Variants in ALPK1 observed in about 807,000 individuals in gnomAD.
The protein encoded by ALPK1 is alpha kinase 1, also known as alpha-protein kinase 1.
A neutral mutation model predicts 120.6 loss-of-function variants in ALPK1; 110 were observed. That is an observed-to-expected ratio of 0.91 (90% confidence interval 0.78 to 1.07). The LOEUF is 1.07. Among genes scored for constraint, ALPK1 ranks in the 50% least tolerant of loss-of-function variants. The probability of loss-of-function intolerance (pLI) is 0.00; values close to 1 mark genes in which losing one functional copy is unlikely to be tolerated. For synonymous variants in ALPK1, 582 were observed against 560.3 expected, an observed-to-expected ratio of 1.04 and a Z score of -0.55; for missense variants, 1,498 against 1,483.9, an observed-to-expected ratio of 1.01 and a Z score of -0.16.
intron 1 of ALPK1, among the ~76,000 whole-genome samples, chr4:112,309,240 C>T (rs1444692955): frequency 6.6e-6 from 1 of 152,128 alleles, no homozygotes; most frequent in African/African-American, 2.4e-5. Context: ...AGATCTCAAA[C>T]TCCGTGCTGG....
At chr4:112,320,089 A>G (rs1728802206) in intron 2 of ALPK1, among the ~76,000 whole-genome samples, 1 of 152,136 alleles carries the variant, frequency 6.6e-6, no homozygotes, top group South Asian at 2.1e-4. Flanking sequence ...TGTTGAATAG[A>G]AGTTGTGAAA....
chr4:112,420,757 T>G (rs1461044464), intron 5 of ALPK1, among the ~76,000 whole-genome samples: 1 of 152,220 alleles, frequency 6.6e-6, no homozygotes, highest in Non-Finnish European at 1.5e-5. Context: ...TGAGAATGGT[T>G]CGCCTCAGCT....
At chr4:112,368,729 C>T (rs75864687) in intron 2 of ALPK1, among the ~76,000 whole-genome samples, 2,376 of 152,240 alleles carry the variant, frequency 0.016, 46 homozygotes, top group African/African-American at 0.052. Context: ...TTTTGTTCCC[C>T]TCCATCAAGC....
intron 2 of ALPK1, among the ~76,000 whole-genome samples, chr4:112,317,769 T>C (rs1323702142): frequency 6.6e-6 from 1 of 152,228 alleles, no homozygotes; most frequent in African/African-American, 2.4e-5. Context: ...TGGTTTTCGA[T>C]GATTTTTTGC....
chr4:112,431,817 T>G lies in ALPK1; in HGVS notation c.2270T>G (p.Val757Gly). The G allele has an allele frequency of 6.2e-7, 1 of 1,614,086 alleles. No individual in the cohort carries two copies. Among genetic ancestry groups the G allele is most frequent in the East Asian group, 2.2e-5 (1 of 44,878 alleles). Residue 757 changes from valine to glycine, a missense_variant, in exon 11 of 16, where the codon GTC becomes GGC. Physicochemically the swap from Val to Gly is moderately radical, Grantham distance 109 (BLOSUM62 -3). Transcript: ENST00000650871. Reference sequence around the variant, plus strand: ...GAGTTTCCAGAAACCAACTGCGATGTCAAAGACAGGCAGGGGAAAGAGCAG... The same window carrying G: ...GAGTTTCCAGAAACCAACTGCGATGGCAAAGACAGGCAGGGGAAAGAGCAG... The part of the protein sequence containing the change: ...IVEFPETNCD[V>G]KDRQGKEQGE...
At position 112,407,836 on chromosome 4, in the gene ALPK1, C is replaced by T. The variant is rs181376373; in HGVS notation, c.277-3991C>T. ...TAAGAATGGAGAGCAGTGCTGGGCA[C>T]GGTGGCTCACGCCTGTAATCCAGCA... On this transcript the variant is annotated intron_variant, in intron 4 of 15. Transcript: ENST00000650871. 3.2e-4 allele frequency among the ~76,000 whole-genome samples: 48 copies of T among 152,242 alleles called. No individual in the cohort carries two copies. In the East Asian group the frequency reaches 9.1e-3, roughly 29 times the overall value.
At chr4:112,364,359 A>G (rs1465556753) in intron 2 of ALPK1, among the ~76,000 whole-genome samples, 3 of 152,034 alleles carry the variant, frequency 2.0e-5, no homozygotes, top group African/African-American at 4.8e-5. Flanking sequence ...AATAAGCTCA[A>G]TTAGAAAAGA....
At chr4:112,379,138 C>T (rs1219870874) in intron 3 of ALPK1, among the ~76,000 whole-genome samples, 2 of 152,246 alleles carry the variant, frequency 1.3e-5, no homozygotes, top group Admixed American at 1.3e-4. Context: ...CTACACCACA[C>T]CCTTTGTCTC....
intron 2 of ALPK1, among the ~76,000 whole-genome samples, chr4:112,366,215 T>A (rs1201611184): frequency 6.6e-6 from 1 of 151,840 alleles, no homozygotes; most frequent in Non-Finnish European, 1.5e-5. Flanking sequence ...TAAATGAGAT[T>A]AATTAAACTA....
chr4:112,435,855 A>C (rs1268623400), intron 12 of ALPK1, among the ~76,000 whole-genome samples: 1 of 152,242 alleles, frequency 6.6e-6, no homozygotes, highest in Non-Finnish European at 1.5e-5. Context: ...CACTCATACA[A>C]GCAAAGACTC....
chr4:112,392,080 A>G (rs1289638134), intron 4 of ALPK1, among the ~76,000 whole-genome samples: 1 of 152,260 alleles, frequency 6.6e-6, no homozygotes, highest in Admixed American at 6.5e-5. Context: ...AAACATAACT[A>G]GAGAAAATAG....
At chr4:112,390,059 A>G (rs1416030299) in intron 4 of ALPK1, among the ~76,000 whole-genome samples, 1 of 152,178 alleles carries the variant, frequency 6.6e-6, no homozygotes, top group East Asian at 1.9e-4. Context: ...TTCTCCATGC[A>G]CAGAGGTGTT....
chr4:112,440,892 T>C (rs1310609067), intron 14 of ALPK1, 25 bp from the exon 15 acceptor site: 10 of 1,590,860 alleles, frequency 6.3e-6, no homozygotes, highest in Admixed American at 1.7e-5. Context: ...AATTTAATAC[T>C]CAGGTGTGTT....
chr4:112,422,127 T>A (rs570733740), intron 5 of ALPK1, among the ~76,000 whole-genome samples: 2 of 152,322 alleles, frequency 1.3e-5, no homozygotes, highest in South Asian at 4.1e-4. Context: ...GACAAAGGAA[T>A]GGTTCATGTC....
intron 2 of ALPK1, among the ~76,000 whole-genome samples, chr4:112,349,249 G>A (rs1730226522): frequency 6.6e-6 from 1 of 152,014 alleles, no homozygotes; most frequent in Non-Finnish European, 1.5e-5. Flanking sequence ...ATTATTACGT[G>A]ACTTTATACT....
chr4:112,325,698 T>C (rs947178540), intron 2 of ALPK1, among the ~76,000 whole-genome samples: 1 of 152,208 alleles, frequency 6.6e-6, no homozygotes, highest in Non-Finnish European at 1.5e-5. Flanking sequence ...CCAGTCTTCA[T>C]GAGCCACTGC....
chr4:112,320,841 C>A (rs999669853), intron 2 of ALPK1, among the ~76,000 whole-genome samples: 2 of 151,412 alleles, frequency 1.3e-5, no homozygotes, highest in Non-Finnish European at 1.5e-5. Flanking sequence ...TTTTCAGTAG[C>A]CTTGAATGAT....
At chr4:112,421,483 A>G (rs1044381085) in intron 5 of ALPK1, among the ~76,000 whole-genome samples, 1 of 152,160 alleles carries the variant, frequency 6.6e-6, no homozygotes, top group Non-Finnish European at 1.5e-5. Context: ...AGTGCCCTGA[A>G]TTTGACCTTT....
At chr4:112,357,998 A>T in intron 2 of ALPK1, 1 of 659,442 alleles carries the variant, frequency 1.5e-6, no homozygotes, top group Non-Finnish European at 2.8e-6. Context: ...CCGGGGAAAC[A>T]CTAGCGAGGG....
Sources: gnomAD v4.1 joint callset for allele counts (sites outside exome capture counted in the v4.1 genomes callset) on GRCh38, gnomAD v4.1.1 for gene constraint, MANE v1.5 for transcripts, NCBI Gene and HGNC (gene_info 2026-07-23, HGNC 2026-07-21) for gene names.